Variants in PLXNA2 observed in about 807,000 individuals in gnomAD.
The protein encoded by PLXNA2 is plexin A2, also known as plexin-A2.
A neutral mutation model predicts 193.5 loss-of-function variants in PLXNA2; 91 were observed. The observed-to-expected ratio is 0.47, with a 90% CI of 0.40 to 0.56. The LOEUF is 0.56. Among genes scored for constraint, PLXNA2 ranks in the 20% least tolerant of loss-of-function variants. PLXNA2 has a pLI of 0.00. For synonymous variants in PLXNA2, 997 were observed against 1,027.3 expected (o/e 0.97, Z 0.56); for missense variants, 1,995 against 2,503.2 (o/e 0.80, Z 4.33).
intron 3 of PLXNA2, among the ~76,000 whole-genome samples, chr1:208,209,216 C>T (rs1283338178): frequency 6.6e-6 from 1 of 152,114 alleles, no homozygotes. Flanking sequence ...TGAACCCAGA[C>T]CAGTTCTTCT....
rs374998373 is a variant in PLXNA2, at chr1:208,226,357, T to C, written c.-80-8355A>G. Among the ~76,000 whole-genome samples the C allele has an allele frequency of 5.5e-3, 836 of 152,014 alleles. 7 individuals are homozygous for C. The highest frequency in any genetic ancestry group is 0.018 in the African/African-American group (766 of 41,452). On this transcript the variant is annotated intron_variant, in intron 1 of 31. Transcript: ENST00000367033. ...GGAGAGATTTCTGTTGTTTTTTTTT[T>C]CCCAGGTCTCCCAGTAGGCTCTGAT...
chr1:208,126,570 G>A (rs1362634168), intron 4 of PLXNA2, among the ~76,000 whole-genome samples: 1 of 152,194 alleles, frequency 6.6e-6, no homozygotes, highest in African/African-American at 2.4e-5. Flanking sequence ...GAACCTGATG[G>A]AGTGGATTCT....
At chr1:208,197,567 A>G (rs1219404579) in intron 3 of PLXNA2, among the ~76,000 whole-genome samples, 1 of 152,214 alleles carries the variant, frequency 6.6e-6, no homozygotes, top group East Asian at 1.9e-4. Flanking sequence ...ATCAGTTGTC[A>G]GTAGGGGTCT....
At chr1:208,087,652 A>C (rs1409854679) in intron 9 of PLXNA2, among the ~76,000 whole-genome samples, 2 of 152,160 alleles carry the variant, frequency 1.3e-5, no homozygotes, top group African/African-American at 4.8e-5. Context: ...TTGGTGCCCC[A>C]GGTATGCTTT....
chr1:208,041,574 C>T (rs548533326), intron 22 of PLXNA2, among the ~76,000 whole-genome samples: 1 of 152,296 alleles, frequency 6.6e-6, no homozygotes, highest in Non-Finnish European at 1.5e-5. Flanking sequence ...CGTATGGTGG[C>T]CACTAGCTGC....
intron 3 of PLXNA2, among the ~76,000 whole-genome samples, chr1:208,185,696 C>CAAAAAAAAAAAAAAAAA (rs56384277): frequency 7.0e-5 from 4 of 57,254 alleles, no homozygotes; most frequent in Non-Finnish European, 8.9e-5. Flanking sequence ...TCTCTGAAAG[C>CAAAAAAAAAAAAAAAAA]AAAAAAAAAA....
intron 3 of PLXNA2, among the ~76,000 whole-genome samples, chr1:208,209,237 G>A (rs1670844706): frequency 1.3e-5 from 2 of 152,110 alleles, no homozygotes; most frequent in Non-Finnish European, 2.9e-5. Context: ...CACCTCCCCT[G>A]GCAGTAATTC....
intron 4 of PLXNA2, among the ~76,000 whole-genome samples, chr1:208,124,768 A>C (rs1484559293): frequency 6.6e-6 from 1 of 151,584 alleles, no homozygotes; most frequent in Non-Finnish European, 1.5e-5. Context: ...TAAATTTCCT[A>C]TACATGTGAG....
In PLXNA2 at chr1:208,023,014, G is replaced by A. The variant is rs1418915402; in HGVS notation, c.*4229C>T. 3 of 152,144 alleles carry A rather than the reference G, an allele frequency of 2.0e-5. No homozygotes were observed. The highest frequency in any genetic ancestry group is 1.9e-4 in the East Asian group (1 of 5,186). 9.4% of individuals were successfully genotyped at this position (152,144 alleles called of 1,614,324 possible). ...ATCACTGAGCTCCAGATACTAAAACGTCACACTTCAGGGAAACTAGGGAAG... is the reference window on the plus strand; with the variant it reads ...ATCACTGAGCTCCAGATACTAAAACATCACACTTCAGGGAAACTAGGGAAG... On this transcript the variant is annotated 3_prime_UTR_variant, in exon 32 of 32. Coordinates refer to ENST00000367033, the MANE Select transcript of PLXNA2 (RefSeq NM_025179.4).
intron 12 of PLXNA2, among the ~76,000 whole-genome samples, chr1:208,075,876 T>A (rs1410698813): frequency 6.6e-6 from 1 of 151,938 alleles, no homozygotes; most frequent in East Asian, 1.9e-4. Flanking sequence ...CTGGCCAACA[T>A]GGCAAACTCC....
At chr1:208,222,623 G>A (rs960550134) in intron 1 of PLXNA2, among the ~76,000 whole-genome samples, 1 of 152,152 alleles carries the variant, frequency 6.6e-6, no homozygotes, top group African/African-American at 2.4e-5. Context: ...GGCGTCAGTG[G>A]CAAAGCAGGG....
chr1:208,068,235 T>C (rs1665859858), intron 12 of PLXNA2, among the ~76,000 whole-genome samples: 1 of 152,242 alleles, frequency 6.6e-6, no homozygotes, highest in African/African-American at 2.4e-5. Flanking sequence ...AATGCTGGTC[T>C]CAACCAGACA....
At chr1:208,139,865 C>T (rs982551029) in intron 4 of PLXNA2, among the ~76,000 whole-genome samples, 2 of 152,164 alleles carry the variant, frequency 1.3e-5, no homozygotes, top group Admixed American at 1.3e-4. Context: ...TTGGACTGAG[C>T]CCCTGGTGAA....
intron 3 of PLXNA2, among the ~76,000 whole-genome samples, chr1:208,191,370 C>T (rs1387602677): frequency 6.6e-6 from 1 of 152,054 alleles, no homozygotes; most frequent in Non-Finnish European, 1.5e-5. Context: ...TATTGAATGT[C>T]TTTTATATTA....
chr1:208,219,008 C>G (rs1671235382), intron 1 of PLXNA2, among the ~76,000 whole-genome samples: 1 of 152,178 alleles, frequency 6.6e-6, no homozygotes, highest in Non-Finnish European at 1.5e-5. Flanking sequence ...AGGTGAGATT[C>G]AGTCTCATTT....
At chr1:208,060,588 A>G in intron 13 of PLXNA2, 98 bp downstream of exon 13, 1 of 1,231,920 alleles carries the variant, frequency 8.1e-7, no homozygotes, top group Non-Finnish European at 1.1e-6. Flanking sequence ...ATGTAATGGG[A>G]GATCAATCAT....
chr1:208,035,236 A>G (rs1664635168), intron 26 of PLXNA2, among the ~76,000 whole-genome samples: 1 of 152,200 alleles, frequency 6.6e-6, no homozygotes, highest in African/African-American at 2.4e-5. Flanking sequence ...CATAATTCAT[A>G]CATGGTAGAG....
intron 4 of PLXNA2, among the ~76,000 whole-genome samples, chr1:208,117,811 T>G (rs1453436012): frequency 1.3e-5 from 2 of 152,110 alleles, no homozygotes; most frequent in Non-Finnish European, 2.9e-5. Flanking sequence ...GAGACAGAAG[T>G]AACTGGAGAC....
rs1468753908 is a variant in PLXNA2, at chr1:208,022,704, AG to A, written c.*4538del. On this transcript the variant is annotated 3_prime_UTR_variant, in exon 32 of 32. Transcript: ENST00000367033. Reference sequence around the variant, plus strand: ...CCAAGATGAAGGCCAAATAAGTCAAAGTGAGGACTTTGAAATGCAGAAGATG... The same window carrying A: ...CCAAGATGAAGGCCAAATAAGTCAAATGAGGACTTTGAAATGCAGAAGATG... 2 of 152,582 alleles carry A rather than the reference AG, an allele frequency of 1.3e-5. No individual in the cohort carries two copies. Among genetic ancestry groups the A allele is most frequent in the Non-Finnish European group, 2.9e-5 (2 of 68,044 alleles). 9.5% of individuals were successfully genotyped at this position (152,582 alleles called of 1,614,324 possible). A position where few individuals can be genotyped will look rare whatever the true frequency, so the allele number is the denominator to read the frequency against.
Sources: gnomAD v4.1 joint callset for allele counts (sites outside exome capture counted in the v4.1 genomes callset) on GRCh38, gnomAD v4.1.1 for gene constraint, MANE v1.5 for transcripts, NCBI Gene and HGNC (gene_info 2026-07-23, HGNC 2026-07-21) for gene names.